The following EPC2 variants were observed in gnomAD, a reference collection of about 807,000 sequenced individuals.
EPC2 encodes the protein enhancer of polycomb 2.
In EPC2, 14 loss-of-function variants were observed where a neutral mutation model predicts 92.1. The ratio of observed to expected loss-of-function variants is 0.15; its 90% CI spans 0.10 to 0.24. The LOEUF (loss-of-function observed/expected upper bound fraction) is 0.24, where lower values mean the gene tolerates loss of function less well. Ranked by LOEUF, EPC2 falls within the 10% of genes least tolerant of loss-of-function variation. The probability of loss-of-function intolerance (pLI) is 1.00; values close to 1 mark genes in which losing one functional copy is unlikely to be tolerated. For synonymous variants in EPC2, 340 were observed against 334.7 expected (o/e 1.02, Z -0.17); for missense variants, 755 against 971.5 (o/e 0.78, Z 2.96).
chr2:148,773,923 G>A (rs144701161), intron 10 of EPC2, among the ~76,000 whole-genome samples: 4 of 152,162 alleles, frequency 2.6e-5, no homozygotes, highest in Admixed American at 2.6e-4. Context: ...ATCCTCATGT[G>A]TTTGGTTTTT....
In EPC2 at chr2:148,690,032, G is replaced by C. The variant is rs185620894; in HGVS notation, c.154-182G>C. Among the ~76,000 whole-genome samples the C allele has an allele frequency of 5.0e-4, 76 of 152,284 alleles. 1 individual carries two copies. The highest frequency in any genetic ancestry group is 1.7e-3 in the African/African-American group (69 of 41,554). ...ATTGTAATAATCTAAGGTGTTATCA[G>C]TATGAGCCACGAGTATTAAGAGAGA... On this transcript the variant is annotated intron_variant, in intron 1 of 13. Coordinates refer to ENST00000258484, the MANE Select transcript of EPC2 (RefSeq NM_015630.4).
intron 2 of EPC2, among the ~76,000 whole-genome samples, chr2:148,722,469 A>G (rs551487781): frequency 7.9e-4 from 121 of 152,354 alleles, no homozygotes; most frequent in African/African-American, 2.9e-3. Context: ...CAAAACCACA[A>G]TGAGGTAGCA....
intron 1 of EPC2, among the ~76,000 whole-genome samples, chr2:148,673,156 G>GT (rs1391563737): frequency 6.6e-6 from 1 of 152,110 alleles, no homozygotes; most frequent in Non-Finnish European, 1.5e-5. Flanking sequence ...TTATTATAAT[G>GT]TTTCTCAGTG....
At chr2:148,697,449 A>C (rs763867765) in intron 2 of EPC2, among the ~76,000 whole-genome samples, 2 of 152,098 alleles carry the variant, frequency 1.3e-5, no homozygotes, top group Admixed American at 6.6e-5. Flanking sequence ...GAGCACTATG[A>C]ATGGGTCAGA....
chr2:148,775,851 C>T (rs529427042), intron 10 of EPC2, among the ~76,000 whole-genome samples: 1 of 138,322 alleles, frequency 7.2e-6, no homozygotes, highest in East Asian at 2.1e-4. Flanking sequence ...GATCTCGGCT[C>T]ACTGCAAGCT....
At chr2:148,708,412 G>A (rs1247941793) in intron 2 of EPC2, among the ~76,000 whole-genome samples, 1 of 152,140 alleles carries the variant, frequency 6.6e-6, no homozygotes, top group African/African-American at 2.4e-5. Flanking sequence ...TTCTACCAGA[G>A]GTATGAAGAG....
chr2:148,656,933 T>C (rs1374214301), intron 1 of EPC2, among the ~76,000 whole-genome samples: 2 of 152,196 alleles, frequency 1.3e-5, no homozygotes, highest in Non-Finnish European at 2.9e-5. Flanking sequence ...TTGACTATAA[T>C]GTACTATTGA....
intron 1 of EPC2, among the ~76,000 whole-genome samples, chr2:148,659,037 A>G (rs575643138): frequency 5.3e-5 from 8 of 152,192 alleles, no homozygotes; most frequent in African/African-American, 1.7e-4. Context: ...GCAGAAAACT[A>G]GAGACAAAAC....
intron 10 of EPC2, among the ~76,000 whole-genome samples, chr2:148,780,501 A>G (rs1236615403): frequency 6.6e-6 from 1 of 152,176 alleles, no homozygotes; most frequent in East Asian, 1.9e-4. Context: ...TTGCCAGTCT[A>G]AACTCCTTTA....
rs1241931325 is a variant in EPC2 at position 148,762,670 on chromosome 2, A to G, written c.816A>G (p.Arg272=). The stretch of plus-strand genomic sequence containing the variant: ...CTTATATTTTTGTTACCTTTTCAAG[A>G]TACCATTTGGGAGACTATGGTGGTG... ...LHLTLEVVEK[R]YHLGDYGGEI... is the part of the protein sequence containing the mutation. The change falls in exon 6 of 14, where the codon AGA becomes AGG. Residue 272 remains arginine (R), a splice_region_variant and synonymous_variant. Coordinates refer to ENST00000258484, the MANE Select transcript of EPC2 (RefSeq NM_015630.4). 1.3e-6 allele frequency: 2 copies of G among 1,585,610 alleles called. No homozygotes were observed. The highest frequency in any genetic ancestry group is 3.7e-5 in the Admixed American group (2 of 54,232).
chr2:148,691,672 G>A, intron 2 of EPC2: 1 of 1,491,926 alleles, frequency 6.7e-7, no homozygotes. Context: ...TTGCTTGTTT[G>A]TTTTGTTCAT....
At chr2:148,763,876 C>T (rs1683353445) in intron 6 of EPC2, among the ~76,000 whole-genome samples, 1 of 152,156 alleles carries the variant, frequency 6.6e-6, no homozygotes. Context: ...CCCAGAATTA[C>T]TGACAGAATC....
At chr2:148,686,711 C>T (rs570601571) in intron 1 of EPC2, among the ~76,000 whole-genome samples, 35 of 152,328 alleles carry the variant, frequency 2.3e-4, no homozygotes, top group Middle Eastern at 3.4e-3. Context: ...CCTTGTTCAT[C>T]GCCATCAGAC....
chr2:148,706,081 C>T (rs867621090), intron 2 of EPC2, among the ~76,000 whole-genome samples: 11 of 152,058 alleles, frequency 7.2e-5, no homozygotes, highest in Non-Finnish European at 1.0e-4. Flanking sequence ...TTGAACCCAA[C>T]GCAAGGAAGC....
chr2:148,783,164 G>C (rs977642227), intron 11 of EPC2, among the ~76,000 whole-genome samples: 9 of 152,078 alleles, frequency 5.9e-5, no homozygotes, highest in African/African-American at 1.9e-4. Flanking sequence ...ACTTTACTTT[G>C]TTTGCTTTTT....
chr2:148,759,324 C>A (rs1558832047), intron 4 of EPC2, among the ~76,000 whole-genome samples: 1 of 152,060 alleles, frequency 6.6e-6, no homozygotes. Flanking sequence ...AATTCCTGAC[C>A]CCAGGTGATC....
intron 13 of EPC2, among the ~76,000 whole-genome samples, chr2:148,785,753 A>G (rs1289140316): frequency 1.3e-5 from 2 of 152,272 alleles, no homozygotes; most frequent in Non-Finnish European, 2.9e-5. Flanking sequence ...AAATTACCTT[A>G]TTTACTTTTA....
At chr2:148,756,397 C>T (rs979909120) in intron 4 of EPC2, among the ~76,000 whole-genome samples, 1 of 152,094 alleles carries the variant, frequency 6.6e-6, no homozygotes. Flanking sequence ...TGAATACTCC[C>T]TAGGTGTTCA....
chr2:148,773,373 A>G (rs922168783), intron 10 of EPC2, among the ~76,000 whole-genome samples: 2 of 152,120 alleles, frequency 1.3e-5, no homozygotes, highest in Non-Finnish European at 2.9e-5. Context: ...TACCATTAGA[A>G]AAAAATAATC....
Sources: allele counts gnomAD v4.1 joint callset (sites outside exome capture counted in the v4.1 genomes callset), GRCh38; gene constraint gnomAD v4.1.1; transcripts MANE v1.5; gene names NCBI Gene and HGNC (gene_info 2026-07-23, HGNC 2026-07-21).